The following NTRK3 variants were observed in gnomAD, a reference collection of about 807,000 sequenced individuals.
NTRK3 encodes the protein NT-3 growth factor receptor.
A neutral mutation model predicts 91.7 loss-of-function variants in NTRK3; 24 were observed. That is an observed-to-expected ratio of 0.26 (90% CI 0.19 to 0.37). NTRK3 has a LOEUF of 0.37. Among genes scored for constraint, NTRK3 ranks in the 10% least tolerant of loss-of-function variants. NTRK3 has a pLI of 1.00. For missense variants in NTRK3, 880 were observed against 1,068.9 expected (o/e 0.82, Z 2.46); for synonymous variants, 483 against 404.0 (o/e 1.20, Z -2.34).
exon 18 of NTRK3, chr15:87,880,288 G>A (rs2141466319): frequency 6.2e-7 from 1 of 1,613,974 alleles, no homozygotes; most frequent in Middle Eastern, 1.7e-4. Context: ...TTGAGAGTTG[G>A]AACCATGGCT....
chr15:88,059,794 G>A (rs775538220), intron 13 of NTRK3, among the ~76,000 whole-genome samples: 15 of 152,324 alleles, frequency 9.8e-5, no homozygotes, highest in Middle Eastern at 3.4e-3. Flanking sequence ...TGGATTTGGA[G>A]AAAAGGTCTT....
At chr15:87,925,846 C>G (rs2068263733) in intron 17 of NTRK3, among the ~76,000 whole-genome samples, 1 of 152,196 alleles carries the variant, frequency 6.6e-6, no homozygotes, top group South Asian at 2.1e-4. Flanking sequence ...CACGGAGTCC[C>G]TCTCTCTGTC....
intron 17 of NTRK3, chr15:87,926,861 T>C (rs2068355095): frequency 6.6e-6 from 1 of 152,066 alleles, no homozygotes; most frequent in Non-Finnish European, 1.5e-5. Context: ...CAATGAGCCA[T>C]CCCTTGTTTT....
chr15:88,194,377 C>T (rs1227344972), intron 3 of NTRK3, among the ~76,000 whole-genome samples: 2 of 152,216 alleles, frequency 1.3e-5, no homozygotes, highest in Non-Finnish European at 2.9e-5. Context: ...GCAGAACTTT[C>T]CCTGAGCTCC....
rs184798698 is a variant in NTRK3 at position 88,037,287 on chromosome 15, C to T, written c.1397-4242G>A. 2.6e-5 allele frequency among the ~76,000 whole-genome samples: 4 copies of T among 152,268 alleles called. No homozygotes were observed. The East Asian group carries it at 7.7e-4, about 29-fold the overall frequency. On this transcript the variant is annotated intron_variant, in intron 13 of 18. Coordinates refer to ENST00000394480, the Ensembl canonical transcript of NTRK3. ...TTAGAATTCAAAGGAGGAGGCCAGG[C>T]GCAGTGGTTTATGCTTGTAATCCCA...
At chr15:87,868,083 G>T (rs2064735546) in exon 19 of NTRK3, 1 of 231,694 alleles carries the variant, frequency 4.3e-6, no homozygotes, top group Non-Finnish European at 8.5e-6. Context: ...CATTGCAAAT[G>T]CATGCACACA....
chr15:88,123,498 T>A (rs980978021), intron 13 of NTRK3, among the ~76,000 whole-genome samples: 2 of 152,230 alleles, frequency 1.3e-5, no homozygotes, highest in African/African-American at 2.4e-5. Context: ...CATTTGCTTA[T>A]GTCAAAGAAA....
rs188290847 is a variant in NTRK3 at position 88,053,549 on chromosome 15, C to T, written c.1397-20504G>A. On this transcript the variant is annotated intron_variant, in intron 13 of 18. Coordinates refer to ENST00000394480, the Ensembl canonical transcript of NTRK3. ...CCAACATACAGTGAGGCCATAGGTA[C>T]GTTGGTCAGGGGTATGGGCTATGGT... 2.6e-4 allele frequency among the ~76,000 whole-genome samples: 39 copies of T among 152,294 alleles called. No homozygotes were observed. The East Asian group carries it at 6.2e-3, about 24-fold the overall frequency.
chr15:88,062,033 T>A (rs1019021442), intron 13 of NTRK3, among the ~76,000 whole-genome samples: 2 of 152,228 alleles, frequency 1.3e-5, no homozygotes, highest in African/African-American at 4.8e-5. Context: ...ACAAATTTTT[T>A]AAAAATACAA....
intron 14 of NTRK3, among the ~76,000 whole-genome samples, chr15:87,945,697 T>C (rs978314754): frequency 3.3e-5 from 5 of 150,198 alleles, no homozygotes; most frequent in Admixed American, 6.7e-5. Context: ...TCTGGGAGAA[T>C]GAGGGCAGGG....
exon 19 of NTRK3, chr15:87,873,192 A>G (rs944667441): frequency 3.5e-5 from 8 of 231,616 alleles, no homozygotes; most frequent in East Asian, 1.2e-4. Flanking sequence ...TTAATGTTCA[A>G]CCTGAACCCA....
At chr15:87,982,375 G>A (rs1181887007) in intron 14 of NTRK3, among the ~76,000 whole-genome samples, 3 of 152,088 alleles carry the variant, frequency 2.0e-5, no homozygotes, top group Non-Finnish European at 4.4e-5. Context: ...GGTAAATGGT[G>A]AAGAAAAGGC....
intron 14 of NTRK3, among the ~76,000 whole-genome samples, chr15:87,966,134 T>A (rs778985006): frequency 6.6e-6 from 1 of 152,084 alleles, no homozygotes; most frequent in Admixed American, 6.6e-5. Flanking sequence ...GAACTAGGTG[T>A]CTTTCCTCTA....
intron 3 of NTRK3, among the ~76,000 whole-genome samples, chr15:88,219,159 C>G (rs1221411966): frequency 6.6e-6 from 1 of 152,244 alleles, no homozygotes; most frequent in Non-Finnish European, 1.5e-5. Context: ...CCCGCCTGGG[C>G]AGAGAGAGAA....
At chr15:87,962,105 A>G (rs1185005427) in intron 14 of NTRK3, among the ~76,000 whole-genome samples, 1 of 152,126 alleles carries the variant, frequency 6.6e-6, no homozygotes, top group Non-Finnish European at 1.5e-5. Context: ...ACACAAACCT[A>G]ATTGCACTTA....
chr15:88,033,654 G>A (rs575112613), intron 13 of NTRK3, among the ~76,000 whole-genome samples: 49 of 151,930 alleles, frequency 3.2e-4, no homozygotes, highest in Admixed American at 1.9e-3. Flanking sequence ...CGTATTCCTC[G>A]AATGCTCTGT....
In NTRK3 at chr15:88,243,284, G is replaced by A. The variant is rs971216874; in HGVS notation, c.248+12622C>T. ...TGACTGCCACTTAAGAGGTGGCAGG[G>A]AGTCAGAAACACAATCTGGAGCAAA... On this transcript the variant is annotated intron_variant, in intron 3 of 18. Coordinates refer to ENST00000394480, the Ensembl canonical transcript of NTRK3. This position sits in a 1 kb window ranked among gnomAD's most constrained non-coding sequence, Gnocchi z 4.8. Among the ~76,000 whole-genome samples, 1 of 152,132 alleles carries A rather than the reference G, an allele frequency of 6.6e-6. No homozygotes were observed. Among genetic ancestry groups the A allele is most frequent in the African/African-American group, 2.4e-5 (1 of 41,412 alleles).
At chr15:88,156,642 G>A (rs970059363) in intron 5 of NTRK3, among the ~76,000 whole-genome samples, 5 of 151,972 alleles carry the variant, frequency 3.3e-5, no homozygotes, top group African/African-American at 7.3e-5. Flanking sequence ...CTCTGCAGAC[G>A]GCTAGCACCA....
intron 13 of NTRK3, among the ~76,000 whole-genome samples, chr15:88,049,985 T>C (rs926339744): frequency 6.6e-6 from 1 of 152,198 alleles, no homozygotes; most frequent in Non-Finnish European, 1.5e-5. Context: ...ACTCAACAAT[T>C]TTAGAAACAT....
Sources: allele counts gnomAD v4.1 joint callset (sites outside exome capture counted in the v4.1 genomes callset), GRCh38; gene constraint gnomAD v4.1.1; non-coding constraint Gnocchi (gnomAD v3.1); transcripts MANE v1.5; gene names NCBI Gene and HGNC (gene_info 2026-07-23, HGNC 2026-07-21).